The following PLXNB2 variants were observed in gnomAD, a reference collection of about 807,000 sequenced individuals.
PLXNB2 encodes plexin-B2.
A neutral mutation model predicts 202.6 loss-of-function variants in PLXNB2; 85 were observed. The observed-to-expected ratio is 0.42, with a 90% CI of 0.35 to 0.50. The LOEUF is 0.50. Ranked by LOEUF, PLXNB2 falls within the 20% of genes least tolerant of loss-of-function variation. PLXNB2 has a pLI of 0.02. For missense variants in PLXNB2, 2,063 were observed against 2,586.2 expected, an observed-to-expected ratio of 0.80 and a Z score of 4.39; for synonymous variants, 1,239 against 1,137.6, an observed-to-expected ratio of 1.09 and a Z score of -1.79.
chr22:50,277,723 G>C lies in PLXNB2; in HGVS notation c.5064C>G (p.Phe1688Leu), dbSNP rs1219530033. 1.3e-6 allele frequency: 2 copies of C among 1,599,770 alleles called. No individual in the cohort carries two copies. Among genetic ancestry groups the C allele is most frequent in the East Asian group, 2.2e-5 (1 of 44,608 alleles). ...GGGGGTTCTTGAGGATGTTCACCCA[G>C]AACCGGAGCGGTAAGCTGAGGCAGA... Reference protein sequence around the residue: ...IWKTNSLPLRFWVNILKNPHF... With the variant: ...IWKTNSLPLRLWVNILKNPHF... The change falls in exon 33 of 37, where the codon TTC becomes TTG. Residue 1688 changes from phenylalanine to leucine, a missense_variant. Physicochemically the swap from Phe to Leu is conservative, Grantham distance 22. This residue lies in a region of PLXNB2 where 760 missense variants were observed against 1,109.4 expected (regional missense o/e 0.69). Transcript: ENST00000359337.
At chr22:50,293,477 G>A (rs1279109251) in intron 2 of PLXNB2, among the ~76,000 whole-genome samples, 1 of 152,188 alleles carries the variant, frequency 6.6e-6, no homozygotes, top group Non-Finnish European at 1.5e-5. Context: ...TCGGCCCTGC[G>A]CCCAGGCCTG....
Position 50,289,128 on chromosome 22 carries a change from G to C in PLXNB2, c.1083C>G (p.Ser361Arg), listed in dbSNP as rs768815439. Reference protein sequence around the residue: ...CGGHAPGSSKSFPCGSEHLPY... With the variant: ...CGGHAPGSSKRFPCGSEHLPY... ...GCAGGTGCTCCGAGCCACATGGGAA[G>C]CTCTTGCTGGAGCCCTGCGGACCAC... The change falls in exon 4 of 37, where the codon AGC (serine) becomes AGG (arginine). Residue 361 changes from serine to arginine, a missense_variant. Transcript: ENST00000359337. This position sits in a 1 kb window ranked among gnomAD's most constrained non-coding sequence, Gnocchi z 8.0. The C allele has an allele frequency of 6.3e-7, 1 of 1,578,428 alleles. No individual in the cohort carries two copies.
In PLXNB2 at chr22:50,275,087, G is replaced by A. The variant is rs1288903361; in HGVS notation, c.*617C>T. 2 of 227,444 alleles carry A rather than the reference G, an allele frequency of 8.8e-6. No homozygotes were observed. Among genetic ancestry groups the A allele is most frequent in the Non-Finnish European group, 1.8e-5 (2 of 111,936 alleles). The allele number at this position is 227,444 out of a possible 1,614,324, so 14.1% of individuals were successfully genotyped here. A position where few individuals can be genotyped will look rare whatever the true frequency, so the allele number is the denominator to read the frequency against. On this transcript the variant is annotated 3_prime_UTR_variant, in exon 37 of 37. Coordinates refer to ENST00000359337, the MANE Select transcript of PLXNB2 (RefSeq NM_012401.4). The stretch of plus-strand genomic sequence containing the variant: ...CCCCCCGGACTGGGTGGGGCTCTAG[G>A]GCAGCCTGTCTGACAGACCAGGACC...
chr22:50,284,278 C>T lies in PLXNB2; in HGVS notation c.2182-65G>A. 3 of 1,451,234 alleles carry T rather than the reference C, an allele frequency of 2.1e-6. No individual in the cohort carries two copies. The highest frequency in any genetic ancestry group is 2.9e-6 in the Non-Finnish European group (3 of 1,036,020). The allele number at this position is 1,451,234 out of a possible 1,614,324, so 89.9% of individuals were successfully genotyped here. A position where few individuals can be genotyped will look rare whatever the true frequency, so the allele number is the denominator to read the frequency against. On this transcript the variant is annotated intron_variant, in intron 12 of 36. Coordinates refer to ENST00000359337, the MANE Select transcript of PLXNB2 (RefSeq NM_012401.4). This position sits in a 1 kb window ranked among gnomAD's most constrained non-coding sequence, Gnocchi z 8.0. ...ACAGAGGGGCGTGGGGCGGGGGTCA[C>T]AAGGGCAGCCTCCCTGTGGCCACCG...
At position 50,277,660 on chromosome 22, in the gene PLXNB2, G is replaced by A. The variant is rs368704424; in HGVS notation, c.5127C>T (p.Asp1709=). Residue 1709 remains aspartate, a synonymous_variant, in exon 33 of 37, where the codon GAC becomes GAT. Coordinates refer to ENST00000359337, the MANE Select transcript of PLXNB2 (RefSeq NM_012401.4). ...IFDVHVHEVV[D]ASLSVIAQTF... ...TCTGCGCGATGACTGACAGCGAGGCGTCCACCACCTCGTGGACATGCACGT... is the reference window on the plus strand; with the variant it reads ...TCTGCGCGATGACTGACAGCGAGGCATCCACCACCTCGTGGACATGCACGT... The A allele has an allele frequency of 8.1e-6, 13 of 1,609,058 alleles. No individual in the cohort carries two copies. Among genetic ancestry groups the A allele is most frequent in the Admixed American group, 6.7e-5 (4 of 59,746 alleles).
chr22:50,275,860 T>G (rs5771118), intron 36 of PLXNB2, 29 bp downstream of exon 36: 2 of 1,609,572 alleles, frequency 1.2e-6, no homozygotes, highest in Non-Finnish European at 1.7e-6. Context: ...GCACCCCACC[T>G]GCCCCCGCCC....
rs1302596108 is a variant in PLXNB2, at chr22:50,289,011, C to G, written c.1200G>C (p.Glu400Asp). 4 of 1,610,540 alleles carry G rather than the reference C, an allele frequency of 2.5e-6. No individual in the cohort carries two copies. In the African/African-American group the frequency reaches 4.0e-5, roughly 16 times the overall value. ...LNLTAVTVAAENNHTVAFLGT... is the reference protein window; with the variant it reads ...LNLTAVTVAADNNHTVAFLGT... ...CCAGAAAAGCAACAGTGTGGTTGTT[C>G]TCGGCGGCGACCGTCACGGCCGTGA... Residue 400 changes from glutamate (E) to aspartate (D), a missense_variant, in exon 4 of 37, where the codon GAG (glutamate) becomes GAC (aspartate). Glu to Asp is a conservative substitution (Grantham distance 45). This residue lies in a region of PLXNB2 where 1,303 missense variants were observed against 1,476.8 expected (regional missense o/e 0.88). Coordinates refer to ENST00000359337, the MANE Select transcript of PLXNB2 (RefSeq NM_012401.4). The surrounding 1 kb of genome is among the most constrained non-coding windows in gnomAD (Gnocchi z 8.0).
rs959156944 is a variant in PLXNB2, at chr22:50,291,581, C to G, written c.-13-984G>C. On this transcript the variant is annotated intron_variant, in intron 2 of 36. Transcript: ENST00000359337. This position sits in a 1 kb window ranked among gnomAD's most constrained non-coding sequence, Gnocchi z 4.3. The stretch of plus-strand genomic sequence containing the variant: ...ACCCAGGACATGCGTGGTCCTCTCT[C>G]TTTCCCTCCCTACCAGACTCAACTG... 6.6e-6 allele frequency among the ~76,000 whole-genome samples: 1 copy of G among 152,150 alleles called. No homozygotes were observed. Among genetic ancestry groups the G allele is most frequent in the Admixed American group, 6.5e-5 (1 of 15,288 alleles).
rs760095305 is a variant in PLXNB2, at chr22:50,282,168, C to G, written c.3117+16G>C. 2.5e-6 allele frequency: 4 copies of G among 1,605,794 alleles called. No individual in the cohort carries two copies. In the East Asian group the frequency reaches 8.9e-5, roughly 36 times the overall value. On this transcript the variant is annotated intron_variant, in intron 19 of 36. Coordinates refer to ENST00000359337, the MANE Select transcript of PLXNB2 (RefSeq NM_012401.4). The stretch of plus-strand genomic sequence containing the variant: ...CCATGGGCCGGTGCCAGAGCTGAGC[C>G]CACGCCAGGACTGACCGTCATGGGC...
At position 50,286,044 on chromosome 22, in the gene PLXNB2, G is replaced by C. The variant is rs190686647; in HGVS notation, c.1932C>G (p.His644Gln). 20 of 1,612,422 alleles carry C rather than the reference G, an allele frequency of 1.2e-5. No homozygotes were observed. The highest frequency in any genetic ancestry group is 2.7e-5 in the African/African-American group (2 of 75,074). The change falls in exon 10 of 37, where the codon CAC (histidine) becomes CAG (glutamine). Residue 644 changes from histidine to glutamine, a missense_variant. By Grantham distance (24) the His-to-Gln change is conservative. Coordinates refer to ENST00000359337, the MANE Select transcript of PLXNB2 (RefSeq NM_012401.4). ...GGTTGGGCGAAGCCTCCCGGCACTC[G>C]TGGTAGCGCAGGTCCCACTGGCAGG... ...RWTCQWDLRYHECREASPNPE... is the reference protein window; with the variant it reads ...RWTCQWDLRYQECREASPNPE...
intron 1 of PLXNB2, among the ~76,000 whole-genome samples, chr22:50,302,315 GA>G (rs143837483): frequency 0.04 from 6,165 of 152,286 alleles, 425 homozygotes; most frequent in African/African-American, 0.14. Context: ...TCCCAGTGAG[GA>G]AATGCCCATC....
In PLXNB2 at chr22:50,278,507, C is replaced by T; in HGVS notation, c.4660G>A (p.Ala1554Thr). 1 of 1,567,372 alleles carries T rather than the reference C, an allele frequency of 6.4e-7. No individual in the cohort carries two copies. Residue 1554 changes from alanine to threonine, a missense_variant, in exon 30 of 37, where the codon GCC becomes ACC. This residue lies in a region of PLXNB2 where 760 missense variants were observed against 1,109.4 expected (regional missense o/e 0.69). Transcript: ENST00000359337. Reference protein sequence around the residue: ...TLMHYNVRDGATLILSKVGVS... With the variant: ...TLMHYNVRDGTTLILSKVGVS... ...CCCACCTTGGACAGGATGAGGGTGG[C>T]TCCATCCCGGACCTGGGGAACACGG...
In PLXNB2 at chr22:50,278,650, C is replaced by G; in HGVS notation, c.4593G>C (p.Leu1531=). ...STAQILSDLD[L]TSQREGRWKR... is the part of the protein sequence containing the mutation. ...TCCACCGGCCCTCCCGCTGTGACGTCAGGTCCAGGTCCGACAGGATCTGCG... is the reference window on the plus strand; with the variant it reads ...TCCACCGGCCCTCCCGCTGTGACGTGAGGTCCAGGTCCGACAGGATCTGCG... The change falls in exon 29 of 37, where the codon CTG becomes CTC. Residue 1531 remains leucine, a synonymous_variant. Transcript: ENST00000359337. 1 of 1,612,894 alleles carries G rather than the reference C, an allele frequency of 6.2e-7. No individual in the cohort carries two copies. Among genetic ancestry groups the G allele is most frequent in the Non-Finnish European group, 8.5e-7 (1 of 1,179,848 alleles).
Position 50,288,058 on chromosome 22 carries a change from G to A in PLXNB2, c.1381-21C>T. ...AACACCTAGGGCAGCGGGGCCGTGAGTGGGACCACAGCAGAGGCCGCACGG... is the reference window on the plus strand; with the variant it reads ...AACACCTAGGGCAGCGGGGCCGTGAATGGGACCACAGCAGAGGCCGCACGG... On this transcript the variant is annotated intron_variant, in intron 5 of 36. Transcript: ENST00000359337. This position sits in a 1 kb window ranked among gnomAD's most constrained non-coding sequence, Gnocchi z 5.0. 1 of 1,538,410 alleles carries A rather than the reference G, an allele frequency of 6.5e-7. No homozygotes were observed. The highest frequency in any genetic ancestry group is 8.8e-7 in the Non-Finnish European group (1 of 1,136,882).
At chr22:50,295,790 G>A (rs943237341) in intron 1 of PLXNB2, among the ~76,000 whole-genome samples, 5 of 152,164 alleles carry the variant, frequency 3.3e-5, no homozygotes, top group South Asian at 4.2e-4. Flanking sequence ...TCCAGAAGCC[G>A]TCAAACCAAA....
intron 33 of PLXNB2, among the ~76,000 whole-genome samples, chr22:50,277,270 C>G (rs949102061): frequency 6.7e-6 from 1 of 149,946 alleles, no homozygotes; most frequent in Non-Finnish European, 1.5e-5. Context: ...CACTGCACTC[C>G]AGCCTGGGCG....
At chr22:50,294,566 G>A (rs2067124227) in intron 2 of PLXNB2, among the ~76,000 whole-genome samples, 153 bp downstream of exon 2, 1 of 152,198 alleles carries the variant, frequency 6.6e-6, no homozygotes, top group Non-Finnish European at 1.5e-5. Flanking sequence ...TTCCATCCAG[G>A]CCAGGCCATG....
chr22:50,288,150 AGCCT>A lies in PLXNB2; in HGVS notation c.1381-117_1381-114del. The A allele has an allele frequency of 2.7e-6, 2 of 744,738 alleles. No individual in the cohort carries two copies. The highest frequency in any genetic ancestry group is 4.5e-6 in the Non-Finnish European group (2 of 449,048). The allele number at this position is 744,738 out of a possible 1,614,324, so 46.1% of individuals were successfully genotyped here. A position where few individuals can be genotyped will look rare whatever the true frequency, so the allele number is the denominator to read the frequency against. ...CCCAGCTCTGTCCCGGGGCCTCGGG[AGCCT>A]CAGACACCTCAGGCTTGATATTAAA... On this transcript the variant is annotated intron_variant, in intron 5 of 36. Transcript: ENST00000359337. The surrounding 1 kb of genome is among the most constrained non-coding windows in gnomAD (Gnocchi z 5.0).
rs903941973 is a variant in PLXNB2 at position 50,289,386 on chromosome 22, C to T, written c.1068+131G>A. On this transcript the variant is annotated intron_variant, in intron 3 of 36. Transcript: ENST00000359337. This position sits in a 1 kb window ranked among gnomAD's most constrained non-coding sequence, Gnocchi z 8.0. ...CATTGAGAGATGCGGCACCCACCCA[C>T]GCAAGCGCCCAGGCTGGCGAGAGCC... The T allele has an allele frequency of 1.3e-5, 16 of 1,227,728 alleles. No individual in the cohort carries two copies. Among genetic ancestry groups the T allele is most frequent in the African/African-American group, 1.1e-4 (7 of 65,512 alleles). 76.1% of individuals were successfully genotyped at this position (1,227,728 alleles called of 1,614,324 possible). A position where few individuals can be genotyped will look rare whatever the true frequency, so the allele number is the denominator to read the frequency against.
Sources: gnomAD v4.1 joint callset for allele counts (sites outside exome capture counted in the v4.1 genomes callset) on GRCh38, gnomAD v4.1.1 for gene constraint, gnomAD v4.1.1 regional missense constraint, Gnocchi (gnomAD v3.1) non-coding constraint, MANE v1.5 for transcripts, NCBI Gene and HGNC (gene_info 2026-07-23, HGNC 2026-07-21) for gene names.